The following CHRM2 variants were observed in gnomAD, a reference collection of about 807,000 sequenced individuals.
CHRM2 encodes the protein muscarinic acetylcholine receptor M2.
In CHRM2, 8 loss-of-function variants were observed where a neutral mutation model predicts 25.0. That is an observed-to-expected ratio of 0.32 (90% CI 0.19 to 0.58). The LOEUF (loss-of-function observed/expected upper bound fraction) is 0.58. Among genes scored for constraint, CHRM2 ranks in the 20% least tolerant of loss-of-function variants. The pLI, the probability that CHRM2 is intolerant of heterozygous loss-of-function variation, is 0.88. For missense variants in CHRM2, 440 were observed against 567.1 expected (o/e 0.78, Z 2.28); for synonymous variants, 202 against 205.7 (o/e 0.98, Z 0.15).
intron 2 of CHRM2, among the ~76,000 whole-genome samples, chr7:136,971,368 C>A (rs907271453): frequency 6.6e-6 from 1 of 152,042 alleles, no homozygotes; most frequent in African/African-American, 2.4e-5. Flanking sequence ...GCAATCCCAG[C>A]ACTTTGGGAG....
chr7:136,968,535 C>T (rs913634395), intron 2 of CHRM2, among the ~76,000 whole-genome samples: 3 of 151,534 alleles, frequency 2.0e-5, no homozygotes, highest in Non-Finnish European at 4.4e-5. Flanking sequence ...GGTGTATATC[C>T]AAAGGAACTA....
intron 2 of CHRM2, among the ~76,000 whole-genome samples, chr7:136,933,364 A>G (rs1233294989): frequency 1.3e-5 from 2 of 152,256 alleles, no homozygotes; most frequent in African/African-American, 4.8e-5. Flanking sequence ...TTAGGGAAAT[A>G]TTAATGAAAA....
intron 2 of CHRM2, among the ~76,000 whole-genome samples, chr7:136,983,980 C>T (rs376800764): frequency 2.8e-4 from 43 of 152,268 alleles, no homozygotes; most frequent in African/African-American, 8.7e-4. Context: ...CAGGGAGATC[C>T]GCTGCTCTCT....
rs766862263 is a variant in CHRM2 at position 137,015,973 on chromosome 7, AAGC to A, written c.1112_1114del (p.Gln371del). 6.2e-7 allele frequency: 1 copy of A among 1,613,052 alleles called. No individual in the cohort carries two copies. Among genetic ancestry groups the A allele is most frequent in the African/African-American group, 1.3e-5 (1 of 74,838 alleles). On this transcript the variant is annotated inframe_deletion, in exon 4 of 4. Transcript: ENST00000680005. This position sits in a 1 kb window ranked among gnomAD's most constrained non-coding sequence, Gnocchi z 5.1. ...AGCCCGCAAGATTGTGAAGATGACT[AAGC>A]AGCCTGCAAAAAAGAAGCCTCCTCC...
intron 2 of CHRM2, among the ~76,000 whole-genome samples, chr7:136,897,811 T>A (rs1584714824): frequency 6.6e-6 from 1 of 152,152 alleles, no homozygotes; most frequent in Non-Finnish European, 1.5e-5. Context: ...TTTCTTTTCA[T>A]TTTTTGTTCA....
At chr7:136,965,613 T>G (rs2130910053) in intron 2 of CHRM2, among the ~76,000 whole-genome samples, 1 of 152,076 alleles carries the variant, frequency 6.6e-6, no homozygotes, top group South Asian at 2.1e-4. Flanking sequence ...GACACTGTAA[T>G]TAAAAACAAT....
At chr7:136,968,358 T>C (rs1248910906) in intron 2 of CHRM2, among the ~76,000 whole-genome samples, 2 of 151,892 alleles carry the variant, frequency 1.3e-5, no homozygotes, top group Non-Finnish European at 2.9e-5. Context: ...GAATGCCTGT[T>C]ATAAAATAAA....
intron 2 of CHRM2, among the ~76,000 whole-genome samples, chr7:136,963,312 C>T (rs150543162): frequency 1.8e-3 from 276 of 152,176 alleles, no homozygotes; most frequent in African/African-American, 6.4e-3. Context: ...GCGTTTATCT[C>T]GTAAGCACGA....
chr7:136,989,245 T>C (rs1301395031), intron 2 of CHRM2, among the ~76,000 whole-genome samples: 1 of 152,176 alleles, frequency 6.6e-6, no homozygotes, highest in African/African-American at 2.4e-5. Context: ...TAGTTTTAAC[T>C]TTTTGCATCT....
At chr7:136,975,251 G>A (rs1007562166) in intron 2 of CHRM2, among the ~76,000 whole-genome samples, 27 of 152,212 alleles carry the variant, frequency 1.8e-4, no homozygotes, top group South Asian at 4.2e-4. Context: ...TCACTTTCTT[G>A]TTTCCTGTTT....
At chr7:136,963,516 G>A (rs997696243) in intron 2 of CHRM2, among the ~76,000 whole-genome samples, 1 of 152,130 alleles carries the variant, frequency 6.6e-6, no homozygotes, top group Non-Finnish European at 1.5e-5. Flanking sequence ...AGGGCTCTAG[G>A]GTTTCAGATG....
chr7:136,925,633 G>C (rs1467038295), intron 2 of CHRM2, among the ~76,000 whole-genome samples: 1 of 151,954 alleles, frequency 6.6e-6, no homozygotes, highest in Non-Finnish European at 1.5e-5. Flanking sequence ...AAGTAAGAGA[G>C]GATCCCACCC....
chr7:136,983,343 C>A (rs1226389377), intron 2 of CHRM2, among the ~76,000 whole-genome samples: 2 of 151,686 alleles, frequency 1.3e-5, no homozygotes, highest in African/African-American at 4.8e-5. Context: ...GCAATTTTAT[C>A]AAGTTTCTTA....
At chr7:136,968,829 C>A (rs943042276) in intron 2 of CHRM2, among the ~76,000 whole-genome samples, 1 of 150,750 alleles carries the variant, frequency 6.6e-6, no homozygotes, top group East Asian at 1.9e-4. Flanking sequence ...GGACATTATG[C>A]GGAGTGAAAT....
chr7:136,980,975 C>A (rs1248531422), intron 2 of CHRM2, among the ~76,000 whole-genome samples: 1 of 152,046 alleles, frequency 6.6e-6, no homozygotes, highest in African/African-American at 2.4e-5. Context: ...TTACGGAGGA[C>A]TCCCTCTTTT....
chr7:136,958,309 G>A (rs1449879934), intron 2 of CHRM2, among the ~76,000 whole-genome samples: 3 of 152,136 alleles, frequency 2.0e-5, no homozygotes, highest in Admixed American at 6.6e-5. Flanking sequence ...CAGAGTGGTT[G>A]GGCTCTGGTA....
intron 2 of CHRM2, among the ~76,000 whole-genome samples, chr7:136,938,901 T>G (rs1354134254): frequency 1.3e-4 from 11 of 82,914 alleles, no homozygotes; most frequent in Non-Finnish European, 6.5e-5. Context: ...AAATAAAACT[T>G]CAGCTAGCTC....
chr7:137,005,279 AAG>A (rs1266066340), intron 3 of CHRM2, among the ~76,000 whole-genome samples: 1 of 152,142 alleles, frequency 6.6e-6, no homozygotes, highest in Non-Finnish European at 1.5e-5. Flanking sequence ...TTTTAATGAA[AAG>A]AGCAACTTTC....
At chr7:136,974,093 A>C (rs952971766) in intron 2 of CHRM2, among the ~76,000 whole-genome samples, 4 of 152,152 alleles carry the variant, frequency 2.6e-5, no homozygotes, top group Non-Finnish European at 5.9e-5. Flanking sequence ...CATAAATAAA[A>C]TAAATAAAAT....
Sources: gnomAD v4.1 joint callset for allele counts (sites outside exome capture counted in the v4.1 genomes callset) on GRCh38, gnomAD v4.1.1 for gene constraint, Gnocchi (gnomAD v3.1) non-coding constraint, MANE v1.5 for transcripts, NCBI Gene and HGNC (gene_info 2026-07-23, HGNC 2026-07-21) for gene names.